The following KCNG3 variants were observed in gnomAD, a reference collection of about 807,000 sequenced individuals.
KCNG3 encodes the protein voltage-gated potassium channel regulatory subunit KCNG3.
KCNG3 carries 15 observed loss-of-function variants against 29.0 expected under a neutral mutation model. That is an observed-to-expected ratio of 0.52 (90% CI 0.35 to 0.80). The LOEUF is 0.80. Ranked by LOEUF, KCNG3 falls within the 30% of genes least tolerant of loss-of-function variation. KCNG3 has a pLI of 0.01. For synonymous variants in KCNG3, 322 were observed against 248.9 expected, an observed-to-expected ratio of 1.29 and a Z score of -2.76; for missense variants, 512 against 605.7, an observed-to-expected ratio of 0.85 and a Z score of 1.62.
At chr2:42,481,886 T>G (rs934862738) in intron 1 of KCNG3, among the ~76,000 whole-genome samples, 5 of 152,338 alleles carry the variant, frequency 3.3e-5, no homozygotes, top group African/African-American at 1.2e-4. Flanking sequence ...GGCGCACACT[T>G]ACACTCTGCA....
intron 1 of KCNG3, among the ~76,000 whole-genome samples, chr2:42,484,423 C>G (rs1673669792): frequency 6.6e-6 from 1 of 152,142 alleles, no homozygotes; most frequent in Admixed American, 6.6e-5. Context: ...GATCGTGCCA[C>G]TGCACTCCAG....
chr2:42,388,469 T>C, the KCNG3 span: 1 of 152,232 alleles, frequency 6.6e-6, no homozygotes, highest in Non-Finnish European at 1.5e-5. Context: ...TGGGCTGCCA[T>C]AAAATACCAC....
At position 42,444,536 on chromosome 2, in the gene KCNG3, T is replaced by C; in HGVS notation, c.709A>G (p.Ile237Val). Residue 237 changes from isoleucine to valine, a missense_variant, in exon 2 of 2, where the codon ATC becomes GTC. Ile to Val is a conservative substitution (Grantham distance 29). This residue lies in a region of KCNG3 where 173 missense variants were observed against 262.4 expected (regional missense o/e 0.66). Coordinates refer to ENST00000306078, the MANE Select transcript of KCNG3 (RefSeq NM_133329.6). The surrounding 1 kb of genome is among the most constrained non-coding windows in gnomAD (Gnocchi z 5.8). ...ICIGWFTAEC[I>V]VRFIVSKNKC... ...TTTTTGGAGACAATGAACCTCACGA[T>C]GCACTCGGCAGTGAACCAACCTATG... 1 of 1,614,176 alleles carries C rather than the reference T, an allele frequency of 6.2e-7. No homozygotes were observed.
the KCNG3 span, among the ~76,000 whole-genome samples, chr2:42,417,750 A>G: frequency 6.6e-6 from 1 of 152,108 alleles, no homozygotes; most frequent in Non-Finnish European, 1.5e-5. Flanking sequence ...AGGCAGGCAG[A>G]TCATGAGGTC....
At chr2:42,405,132 T>C in the KCNG3 span, among the ~76,000 whole-genome samples, 1 of 152,222 alleles carries the variant, frequency 6.6e-6, no homozygotes, top group Admixed American at 6.5e-5. Flanking sequence ...GTTAGGCAAA[T>C]GCCCTCGAAG....
the KCNG3 span, among the ~76,000 whole-genome samples, chr2:42,422,857 A>G: frequency 1.3e-5 from 2 of 152,170 alleles, no homozygotes; most frequent in Admixed American, 6.5e-5. Context: ...TCTGACTGTG[A>G]GGAGCCATTT....
At chr2:42,401,767 T>G in the KCNG3 span, among the ~76,000 whole-genome samples, 1 of 152,086 alleles carries the variant, frequency 6.6e-6, no homozygotes, top group East Asian at 1.9e-4. Flanking sequence ...AAAGAAATAC[T>G]GTGACACCTG....
At chr2:42,457,624 A>ATC (rs1056379498) in intron 1 of KCNG3, among the ~76,000 whole-genome samples, 9 of 51,696 alleles carry the variant, frequency 1.7e-4, no homozygotes, top group African/African-American at 3.7e-4. Flanking sequence ...AGGCAGGCAG[A>ATC]TCTCACACAC....
intron 1 of KCNG3, among the ~76,000 whole-genome samples, chr2:42,487,174 A>AG (rs1489016311): frequency 2.0e-5 from 3 of 150,966 alleles, no homozygotes; most frequent in Admixed American, 6.6e-5. Context: ...AAAAAAAAAA[A>AG]GAATTCACAA....
At chr2:42,406,514 C>G in the KCNG3 span, among the ~76,000 whole-genome samples, 76 of 151,168 alleles carry the variant, frequency 5.0e-4, no homozygotes, top group African/African-American at 1.7e-3. Flanking sequence ...GCCACCGCAC[C>G]AGGCCTAATG....
At chr2:42,471,885 C>CAAAAAAAAAAAAAAA in intron 1 of KCNG3, among the ~76,000 whole-genome samples, 1 of 63,934 alleles carries the variant, frequency 1.6e-5, no homozygotes, top group Non-Finnish European at 3.7e-5. Context: ...CCCTGTATCT[C>CAAAAAAAAAAAAAAA]AAAAAAAAAA....
the KCNG3 span, among the ~76,000 whole-genome samples, chr2:42,434,671 A>C: frequency 1.2e-5 from 1 of 80,958 alleles, no homozygotes; most frequent in Admixed American, 1.1e-4. Context: ...CATCTCAAAA[A>C]AAAAAAAAAA....
At chr2:42,432,036 CAAAAA>C in the KCNG3 span, among the ~76,000 whole-genome samples, 681 of 113,656 alleles carry the variant, frequency 6.0e-3, 4 homozygotes, top group Admixed American at 0.01. Flanking sequence ...AAGACTCTAT[CAAAAA>C]AAAAAAAAAA....
Position 42,475,126 on chromosome 2 carries a change from A to G in KCNG3, c.665+17711T>C, listed in dbSNP as rs116324092. 5.3e-3 allele frequency among the ~76,000 whole-genome samples: 806 copies of G among 152,270 alleles called. 10 individuals are homozygous for G. The highest frequency in any genetic ancestry group is 0.019 in the African/African-American group (771 of 41,558). On this transcript the variant is annotated intron_variant, in intron 1 of 1. Coordinates refer to ENST00000306078, the MANE Select transcript of KCNG3 (RefSeq NM_133329.6). The stretch of plus-strand genomic sequence containing the variant: ...GATACTTGAAATTTTGTAAACACCC[A>G]TTACCTTTCTCTGCAACAACAAAAA...
intron 1 of KCNG3, among the ~76,000 whole-genome samples, chr2:42,467,713 T>C (rs535627674): frequency 6.7e-6 from 1 of 149,154 alleles, no homozygotes; most frequent in East Asian, 2.0e-4. Context: ...CTCACAACAG[T>C]AATCCTAGCG....
intron 1 of KCNG3, among the ~76,000 whole-genome samples, chr2:42,453,694 C>T (rs1672816693): frequency 6.6e-6 from 1 of 152,074 alleles, no homozygotes; most frequent in Non-Finnish European, 1.5e-5. Context: ...CTTTGCTGTG[C>T]AGAAGCTTCT....
At chr2:42,439,028 G>T (rs1378168331), downstream of KCNG3, among the ~76,000 whole-genome samples, 2 of 152,100 alleles carry the variant, frequency 1.3e-5, no homozygotes, top group Admixed American at 1.3e-4. Flanking sequence ...ACATTTCTCA[G>T]CCTGGTTCTG....
At chr2:42,428,107 T>C in the KCNG3 span, among the ~76,000 whole-genome samples, 1 of 152,178 alleles carries the variant, frequency 6.6e-6, no homozygotes, top group Admixed American at 6.5e-5. Flanking sequence ...AATATTTTCC[T>C]TAAAATAGAA....
At chr2:42,492,039 G>C (rs1038369757) in intron 1 of KCNG3, among the ~76,000 whole-genome samples, 6 of 152,178 alleles carry the variant, frequency 3.9e-5, no homozygotes, top group Admixed American at 3.9e-4. Context: ...TTCAAGGTAA[G>C]ACAGTCTAAG....
Sources: gnomAD v4.1 joint callset for allele counts (sites outside exome capture counted in the v4.1 genomes callset) on GRCh38, gnomAD v4.1.1 for gene constraint, gnomAD v4.1.1 regional missense constraint, Gnocchi (gnomAD v3.1) non-coding constraint, MANE v1.5 for transcripts, NCBI Gene and HGNC (gene_info 2026-07-23, HGNC 2026-07-21) for gene names.